RSRC1: variants seen among roughly 807,000 people sequenced by gnomAD.
RSRC1 encodes the protein arginine and serine rich coiled-coil 1, also known as serine/Arginine-related protein 53.
In RSRC1, 39 loss-of-function variants were observed where a neutral mutation model predicts 49.1. The ratio of observed to expected loss-of-function variants is 0.79; its 90% CI spans 0.61 to 1.04. The LOEUF (loss-of-function observed/expected upper bound fraction) is 1.04, where lower values mean the gene tolerates loss of function less well. Among genes scored for constraint, RSRC1 ranks in the 50% least tolerant of loss-of-function variants. The pLI is 0.00. For missense variants in RSRC1, 388 were observed against 402.4 expected (o/e 0.96, Z 0.31); for synonymous variants, 143 against 130.8 (o/e 1.09, Z -0.63).
At chr3:158,437,174 G>A (rs1391970874) in intron 6 of RSRC1, among the ~76,000 whole-genome samples, 4 of 150,998 alleles carry the variant, frequency 2.6e-5, no homozygotes, top group South Asian at 2.1e-4. Context: ...CCAAATTCCC[G>A]GGGTAGTGTG....
intron 4 of RSRC1, among the ~76,000 whole-genome samples, chr3:158,297,562 T>C (rs1349813996): frequency 1.3e-5 from 2 of 152,026 alleles, no homozygotes; most frequent in African/African-American, 4.8e-5. Context: ...ATGTATTCTT[T>C]ATGTGTACAT....
intron 6 of RSRC1, among the ~76,000 whole-genome samples, chr3:158,405,871 C>G (rs1410231063): frequency 6.6e-6 from 1 of 152,030 alleles, no homozygotes; most frequent in Non-Finnish European, 1.5e-5. Flanking sequence ...TAGGTTTCCC[C>G]TTGTACACTC....
chr3:158,205,764 GGAA>G (rs1232985663), intron 4 of RSRC1, among the ~76,000 whole-genome samples: 3 of 152,046 alleles, frequency 2.0e-5, no homozygotes, highest in Non-Finnish European at 1.5e-5. Context: ...GGGCCACACT[GGAA>G]GAAGAAGAAT....
At position 158,160,123 on chromosome 3, in the gene RSRC1, A is replaced by G. The variant is rs1261559746; in HGVS notation, c.320+36132A>G. Among the ~76,000 whole-genome samples, 5 of 152,194 alleles carry G rather than the reference A, an allele frequency of 3.3e-5. 1 individual carries two copies. Among genetic ancestry groups the G allele is most frequent in the African/African-American group, 1.2e-4 (5 of 41,448 alleles). On this transcript the variant is annotated intron_variant, in intron 3 of 9. Transcript: ENST00000611884. ...GCAAAATCTGCCTTGGGAATTTTATAATGAATATGAGAGAGATCCTGCCAC... is the reference window on the plus strand; with the variant it reads ...GCAAAATCTGCCTTGGGAATTTTATGATGAATATGAGAGAGATCCTGCCAC...
chr3:158,330,338 G>T (rs2108192981), intron 5 of RSRC1, among the ~76,000 whole-genome samples: 1 of 152,326 alleles, frequency 6.6e-6, no homozygotes, highest in South Asian at 2.1e-4. Flanking sequence ...GCTGTAGACT[G>T]GAGCTGTTCC....
chr3:158,180,198 T>C (rs1383904109), intron 3 of RSRC1, among the ~76,000 whole-genome samples: 1 of 151,946 alleles, frequency 6.6e-6, no homozygotes, highest in Non-Finnish European at 1.5e-5. Flanking sequence ...AGAGCAAAAG[T>C]TTTAAATTTT....
intron 4 of RSRC1, among the ~76,000 whole-genome samples, chr3:158,290,568 C>T (rs1330275545): frequency 6.6e-6 from 1 of 152,156 alleles, no homozygotes; most frequent in Non-Finnish European, 1.5e-5. Flanking sequence ...AGCCACCACG[C>T]CTGGCAGAAC....
intron 7 of RSRC1, among the ~76,000 whole-genome samples, chr3:158,502,908 A>G (rs1739672811): frequency 6.6e-6 from 1 of 152,140 alleles, no homozygotes; most frequent in Admixed American, 6.5e-5. Context: ...CATTGCTGGT[A>G]AAGTAGTGTG....
At chr3:158,118,463 G>A (rs996565524) in intron 1 of RSRC1, among the ~76,000 whole-genome samples, 2 of 42,224 alleles carry the variant, frequency 4.7e-5, no homozygotes, top group Non-Finnish European at 8.9e-5. Flanking sequence ...GTGTGTGTGT[G>A]CGCGTGCGCG....
At chr3:158,223,122 A>G (rs893337668) in intron 4 of RSRC1, among the ~76,000 whole-genome samples, 39 of 151,644 alleles carry the variant, frequency 2.6e-4, no homozygotes, top group Admixed American at 2.1e-3. Flanking sequence ...TTTCTGAACA[A>G]TGTTCAGCAC....
chr3:158,356,654 C>T (rs534165679), intron 6 of RSRC1, among the ~76,000 whole-genome samples: 1 of 151,934 alleles, frequency 6.6e-6, no homozygotes, highest in Non-Finnish European at 1.5e-5. Flanking sequence ...TAATTTGATT[C>T]TATATCATTT....
At chr3:158,397,840 C>T (rs1733694600) in intron 6 of RSRC1, among the ~76,000 whole-genome samples, 1 of 152,006 alleles carries the variant, frequency 6.6e-6, no homozygotes, top group South Asian at 2.1e-4. Context: ...TCTTTAATGT[C>T]ACCTCCTTGT....
At chr3:158,203,540 C>T (rs573257924) in intron 4 of RSRC1, among the ~76,000 whole-genome samples, 2 of 152,050 alleles carry the variant, frequency 1.3e-5, no homozygotes, top group African/African-American at 4.8e-5. Context: ...GGAAAATTTG[C>T]CTAATTCTGT....
chr3:158,155,426 A>G (rs1717800051), intron 3 of RSRC1, among the ~76,000 whole-genome samples: 1 of 151,910 alleles, frequency 6.6e-6, no homozygotes, highest in South Asian at 2.1e-4. Flanking sequence ...TTGTCAGTGA[A>G]CTATATTTTA....
chr3:158,530,564 G>A (rs948092521), intron 7 of RSRC1, among the ~76,000 whole-genome samples: 3 of 151,838 alleles, frequency 2.0e-5, no homozygotes, highest in Non-Finnish European at 4.4e-5. Flanking sequence ...GTGGAACAAT[G>A]CCTGGTACAT....
intron 5 of RSRC1, among the ~76,000 whole-genome samples, chr3:158,332,501 TTAAA>T (rs1251416935): frequency 1.3e-5 from 2 of 152,178 alleles, no homozygotes; most frequent in Non-Finnish European, 2.9e-5. Flanking sequence ...CAGGCAAAAC[TTAAA>T]TATTTCTTGC....
chr3:158,446,027 A>G (rs1347577039), intron 6 of RSRC1, among the ~76,000 whole-genome samples: 4 of 152,126 alleles, frequency 2.6e-5, no homozygotes, highest in Non-Finnish European at 5.9e-5. Flanking sequence ...TTTGAGATCT[A>G]CCGCCCTAAA....
rs67761009 is a variant in RSRC1, at chr3:158,350,472, G to A, written c.532-4385G>A. On this transcript the variant is annotated intron_variant, in intron 5 of 9. Transcript: ENST00000611884. Reference sequence around the variant, plus strand: ...ACGGGCATGAGCCACCATGCCCAGCGTAGAACTGTATTTTCTCTTTGTCCT... The same window carrying A: ...ACGGGCATGAGCCACCATGCCCAGCATAGAACTGTATTTTCTCTTTGTCCT... 5.3e-5 allele frequency among the ~76,000 whole-genome samples: 8 copies of A among 151,954 alleles called. No homozygotes were observed. The East Asian group carries it at 1.2e-3, about 22-fold the overall frequency.
chr3:158,188,356 C>G, intron 3 of RSRC1, among the ~76,000 whole-genome samples: 1 of 151,876 alleles, frequency 6.6e-6, no homozygotes, highest in East Asian at 1.9e-4. Context: ...TTTCTGTATT[C>G]CTCTTTCCAT....
Sources: allele counts gnomAD v4.1 joint callset (sites outside exome capture counted in the v4.1 genomes callset), GRCh38; gene constraint gnomAD v4.1.1; transcripts MANE v1.5; gene names NCBI Gene and HGNC (gene_info 2026-07-23, HGNC 2026-07-21).